The following NAV2 variants were observed in gnomAD, a reference collection of about 807,000 sequenced individuals.
The protein encoded by NAV2 is helicase, APC down-regulated 1.
A neutral mutation model predicts 223.2 loss-of-function variants in NAV2; 54 were observed. The observed-to-expected ratio is 0.24, with a 90% CI of 0.19 to 0.30. NAV2 has a LOEUF of 0.30. Ranked by LOEUF, NAV2 falls within the 10% of genes least tolerant of loss-of-function variation. The pLI, the probability that NAV2 is intolerant of heterozygous loss-of-function variation, is 1.00. For synonymous variants in NAV2, 1,279 were observed against 1,239.3 expected (o/e 1.03, Z -0.67); for missense variants, 2,806 against 3,147.5 (o/e 0.89, Z 2.60).
chr11:19,891,525 T>C (rs975819323), intron 5 of NAV2, among the ~76,000 whole-genome samples: 6 of 152,194 alleles, frequency 3.9e-5, no homozygotes, highest in African/African-American at 1.4e-4. Context: ...GAGTGTGTGT[T>C]TGTCTTTAGG....
chr11:19,552,468 A>T (rs1321113120), intron 1 of NAV2, among the ~76,000 whole-genome samples: 2 of 152,074 alleles, frequency 1.3e-5, no homozygotes, highest in Admixed American at 1.3e-4. Flanking sequence ...CCCTGTGGCC[A>T]CGGGCACAGG....
intron 1 of NAV2, among the ~76,000 whole-genome samples, chr11:19,495,554 G>T (rs1280567340): frequency 6.6e-6 from 1 of 152,122 alleles, no homozygotes; most frequent in African/African-American, 2.4e-5. Flanking sequence ...ACTTAGAAAT[G>T]AGCTGTCATT....
At chr11:20,023,474 C>T (rs918790984) in intron 11 of NAV2, among the ~76,000 whole-genome samples, 1 of 152,046 alleles carries the variant, frequency 6.6e-6, no homozygotes, top group African/African-American at 2.4e-5. Context: ...CTACTGAGCC[C>T]GAAAATCTGG....
chr11:19,825,487 A>G (rs917935508), intron 1 of NAV2, among the ~76,000 whole-genome samples: 1 of 152,018 alleles, frequency 6.6e-6, no homozygotes, highest in Non-Finnish European at 1.5e-5. Flanking sequence ...TAAGAAATAC[A>G]GTTTGCTCTG....
intron 10 of NAV2, among the ~76,000 whole-genome samples, chr11:19,970,755 T>C (rs975211214): frequency 1.3e-5 from 2 of 152,164 alleles, no homozygotes; most frequent in African/African-American, 4.8e-5. Context: ...CAAATACATT[T>C]AAATGAAAAA....
chr11:19,873,847 G>A (rs1333417439), intron 4 of NAV2, among the ~76,000 whole-genome samples: 2 of 152,176 alleles, frequency 1.3e-5, no homozygotes, highest in Admixed American at 6.5e-5. Context: ...AGAGCAGCAA[G>A]AACACAGAGG....
intron 1 of NAV2, among the ~76,000 whole-genome samples, chr11:19,515,370 C>G (rs1335306480): frequency 6.6e-6 from 1 of 152,180 alleles, no homozygotes; most frequent in African/African-American, 2.4e-5. Flanking sequence ...GAACTTGCAG[C>G]CTCTCTGTCC....
intron 5 of NAV2, among the ~76,000 whole-genome samples, chr11:19,881,386 C>T (rs950921011): frequency 1.3e-5 from 2 of 152,150 alleles, no homozygotes; most frequent in African/African-American, 4.8e-5. Flanking sequence ...GAGTGGGAGT[C>T]ACTCCCAGTC....
intron 1 of NAV2, among the ~76,000 whole-genome samples, chr11:19,415,597 G>A (rs1204432412): frequency 2.0e-5 from 3 of 152,142 alleles, no homozygotes; most frequent in Non-Finnish European, 4.4e-5. Context: ...CTTTTTATGA[G>A]ACCAGCATCA....
At chr11:19,709,194 T>C (rs1400415545), upstream of NAV2, among the ~76,000 whole-genome samples, 1 of 152,040 alleles carries the variant, frequency 6.6e-6, no homozygotes, top group Non-Finnish European at 1.5e-5. Flanking sequence ...GTCTGGTTAT[T>C]ATGATAAATT....
intron 5 of NAV2, among the ~76,000 whole-genome samples, chr11:19,885,429 C>G (rs2040872248): frequency 6.6e-6 from 1 of 152,228 alleles, no homozygotes; most frequent in Non-Finnish European, 1.5e-5. Context: ...GGCTTTTTCT[C>G]TCACACTGCC....
chr11:19,643,622 C>T (rs1177649536), intron 1 of NAV2, among the ~76,000 whole-genome samples: 1 of 152,170 alleles, frequency 6.6e-6, no homozygotes, highest in African/African-American at 2.4e-5. Context: ...CCACAATAAA[C>T]ATACGTGTGC....
chr11:19,704,727 T>A (rs991762392), intron 1 of NAV2, among the ~76,000 whole-genome samples: 1 of 152,044 alleles, frequency 6.6e-6, no homozygotes, highest in Non-Finnish European at 1.5e-5. Context: ...GGAAGAAGAA[T>A]AGAGGCCGGG....
At chr11:20,113,053 AG>A (rs2062772491) in intron 36 of NAV2, among the ~76,000 whole-genome samples, 1 of 152,198 alleles carries the variant, frequency 6.6e-6, no homozygotes, top group Admixed American at 6.5e-5. Context: ...CCCCCTGCAG[AG>A]TCCTCTCTGC....
Position 20,016,868 on chromosome 11 carries a change from C to T in NAV2, c.2769-19091C>T, listed in dbSNP as rs1472676969. On this transcript the variant is annotated intron_variant, in intron 11 of 37. Coordinates refer to ENST00000349880, the MANE Select transcript of NAV2 (RefSeq NM_145117.5). ...AAAAAAAAAAAAAATTAGCCAGGTGCGGTGGCGCACACCTGTAGTGCTAGC... is the reference window on the plus strand; with the variant it reads ...AAAAAAAAAAAAAATTAGCCAGGTGTGGTGGCGCACACCTGTAGTGCTAGC... 1.6e-4 allele frequency among the ~76,000 whole-genome samples: 24 copies of T among 148,174 alleles called. 1 individual carries two copies. The highest frequency in any genetic ancestry group is 3.0e-4 in the Non-Finnish European group (20 of 67,358).
chr11:19,968,836 T>G (rs1403766809), intron 10 of NAV2, among the ~76,000 whole-genome samples: 1 of 152,156 alleles, frequency 6.6e-6, no homozygotes, highest in African/African-American at 2.4e-5. Flanking sequence ...GGCCTGTGTT[T>G]CGGCGACTTC....
At chr11:20,063,955 G>A (rs1177290974) in intron 20 of NAV2, among the ~76,000 whole-genome samples, 1 of 152,154 alleles carries the variant, frequency 6.6e-6, no homozygotes, top group African/African-American at 2.4e-5. Flanking sequence ...TGCTGATATG[G>A]TCTGTTTTGA....
rs779400181 is a variant in NAV2, at chr11:19,934,094, C to G, written c.1850C>G (p.Ala617Gly). The change falls in exon 7 of 38, where the codon GCG becomes GGG. Residue 617 changes from alanine to glycine, a missense_variant. Coordinates refer to ENST00000349880, the MANE Select transcript of NAV2 (RefSeq NM_145117.5). ...CACTCCAGTTCCTCTTCCAGCCTGGCGTCCTCAGAAGGAAAAGGCCCAGGA... is the reference window on the plus strand; with the variant it reads ...CACTCCAGTTCCTCTTCCAGCCTGGGGTCCTCAGAAGGAAAAGGCCCAGGA... ...GRHSSSSSSL[A>G]SSEGKGPGGT... is the part of the protein sequence containing the mutation. The G allele has an allele frequency of 4.3e-6, 7 of 1,612,852 alleles. No individual in the cohort carries two copies. In the Admixed American group the frequency reaches 8.4e-5, roughly 19 times the overall value.
At chr11:19,853,037 G>A (rs1028168252) in intron 3 of NAV2, among the ~76,000 whole-genome samples, 1 of 152,192 alleles carries the variant, frequency 6.6e-6, no homozygotes, top group African/African-American at 2.4e-5. Context: ...AAGGGAAATG[G>A]TGTTTGGGTT....
Sources: gnomAD v4.1 joint callset for allele counts (sites outside exome capture counted in the v4.1 genomes callset) on GRCh38, gnomAD v4.1.1 for gene constraint, MANE v1.5 for transcripts, NCBI Gene and HGNC (gene_info 2026-07-23, HGNC 2026-07-21) for gene names.